The following MORC2 variants were observed in gnomAD, a reference collection of about 807,000 sequenced individuals.
The protein encoded by MORC2 is ATPase MORC2.
A neutral mutation model predicts 136.0 loss-of-function variants in MORC2; 30 were observed. That is an observed-to-expected ratio of 0.22 (90% CI 0.17 to 0.30). The LOEUF is 0.30. Among genes scored for constraint, MORC2 ranks in the 10% least tolerant of loss-of-function variants. The probability of loss-of-function intolerance (pLI) is 1.00; values close to 1 mark genes in which losing one functional copy is unlikely to be tolerated. For missense variants in MORC2, 922 were observed against 1,333.1 expected, an observed-to-expected ratio of 0.69 and a Z score of 4.80; for synonymous variants, 439 against 487.0, an observed-to-expected ratio of 0.90 and a Z score of 1.30.
chr22:30,967,654 A>C (rs890706007), intron 1 of MORC2, 168 bp downstream of exon 1: 5 of 1,409,968 alleles, frequency 3.5e-6, no homozygotes, highest in Non-Finnish European at 4.6e-6. Context: ...CAAGTATTTC[A>C]CTGATCTCAG....
At position 30,941,217 on chromosome 22, in the gene MORC2, T is replaced by C. The variant is rs988398491; in HGVS notation, c.824+216A>G. ...ACCCTCCCTGTCACAGAGGCACACA[T>C]ACTCAATGAGCTTAGCCAGCCACCT... On this transcript the variant is annotated intron_variant, in intron 9 of 25. Coordinates refer to ENST00000397641, the MANE Select transcript of MORC2 (RefSeq NM_001303256.3). This position sits in a 1 kb window ranked among gnomAD's most constrained non-coding sequence, Gnocchi z 4.6. Among the ~76,000 whole-genome samples, 1 of 152,090 alleles carries C rather than the reference T, an allele frequency of 6.6e-6. No individual in the cohort carries two copies. The highest frequency in any genetic ancestry group is 2.4e-5 in the African/African-American group (1 of 41,422).
chr22:30,941,584 G>A lies in MORC2; in HGVS notation c.699-26C>T, dbSNP rs201867459. 4 of 1,605,610 alleles carry A rather than the reference G, an allele frequency of 2.5e-6. No homozygotes were observed. The highest frequency in any genetic ancestry group is 3.4e-6 in the Non-Finnish European group (4 of 1,173,808). On this transcript the variant is annotated intron_variant, in intron 8 of 25. Coordinates refer to ENST00000397641, the MANE Select transcript of MORC2 (RefSeq NM_001303256.3). The surrounding 1 kb of genome is among the most constrained non-coding windows in gnomAD (Gnocchi z 4.6). ...CTGGAGAGGGCAAAAACAGAGAAGTGCTGTCACCTGCTCCACAACAGGCCT... is the reference window on the plus strand; with the variant it reads ...CTGGAGAGGGCAAAAACAGAGAAGTACTGTCACCTGCTCCACAACAGGCCT...
At chr22:30,938,544 C>G (rs1325105326) in intron 12 of MORC2, among the ~76,000 whole-genome samples, 1 of 152,192 alleles carries the variant, frequency 6.6e-6, no homozygotes, top group Non-Finnish European at 1.5e-5. Context: ...ATACCTTCCC[C>G]AAAATTCCAC....
chr22:30,946,807 C>T (rs2040823420), intron 5 of MORC2, among the ~76,000 whole-genome samples: 1 of 152,144 alleles, frequency 6.6e-6, no homozygotes, highest in African/African-American at 2.4e-5. Flanking sequence ...TGTCTTTGAG[C>T]TCTTGGTTCA....
chr22:30,933,463 CA>C lies in MORC2; in HGVS notation c.2380+2del. 6.2e-7 allele frequency: 1 copy of C among 1,613,844 alleles called. No homozygotes were observed. The highest frequency in any genetic ancestry group is 1.3e-5 in the African/African-American group (1 of 74,994). ...AGGCTGCCAAGTCACTCCCCCAGCTCACCTTTCTGAGCTCTCTTGAGGTCAG... is the reference window on the plus strand; with the variant it reads ...AGGCTGCCAAGTCACTCCCCCAGCTCCCTTTCTGAGCTCTCTTGAGGTCAG... On this transcript the variant is annotated splice_donor_variant, in intron 21 of 25. Coordinates refer to ENST00000397641, the MANE Select transcript of MORC2 (RefSeq NM_001303256.3). LOFTEE classifies it high-confidence loss of function.
chr22:30,941,975 T>C lies in MORC2; in HGVS notation c.614A>G (p.Lys205Arg). The stretch of plus-strand genomic sequence containing the variant: ...TTCTGGCTCTCCATTATCCATGAGT[T>C]TGAGATTGAAGATGATCACCAATGT... ...SGTLVIIFNL[K>R]LMDNGEPELD... Residue 205 changes from lysine to arginine, a missense_variant, in exon 8 of 26, where the codon AAA becomes AGA. Lys to Arg is a conservative substitution (Grantham distance 26). Transcript: ENST00000397641. The surrounding 1 kb of genome is among the most constrained non-coding windows in gnomAD (Gnocchi z 4.6). 1 of 1,613,940 alleles carries C rather than the reference T, an allele frequency of 6.2e-7. No homozygotes were observed. Among genetic ancestry groups the C allele is most frequent in the Non-Finnish European group, 8.5e-7 (1 of 1,179,814 alleles).
intron 1 of MORC2, chr22:30,966,922 T>C: frequency 5.5e-6 from 1 of 182,970 alleles, no homozygotes; most frequent in Middle Eastern, 2.9e-3. Flanking sequence ...CATGTTGTCT[T>C]CTCCATCAAA....
At chr22:30,942,901 A>G (rs985799950) in intron 6 of MORC2, among the ~76,000 whole-genome samples, 1 of 152,174 alleles carries the variant, frequency 6.6e-6, no homozygotes, top group Non-Finnish European at 1.5e-5. Context: ...GCTACTCAGG[A>G]GGCTGAGACA....
chr22:30,963,419 T>A, intron 1 of MORC2: 2 of 652,748 alleles, frequency 3.1e-6, no homozygotes, highest in Non-Finnish European at 3.8e-6. Context: ...GGAGTCTTGC[T>A]CTGTTGCCCC....
At chr22:30,967,085 G>A in intron 1 of MORC2, 2 of 983,968 alleles carry the variant, frequency 2.0e-6, no homozygotes, top group Non-Finnish European at 2.4e-6. Context: ...AAAAGTAACA[G>A]GTGAATGTAT....
chr22:30,950,337 G>GGGGGGGGGCC, intron 4 of MORC2, 40 bp downstream of exon 4: 2 of 761,764 alleles, frequency 2.6e-6, no homozygotes, highest in Non-Finnish European at 4.7e-6. Context: ...TGGTTACATC[G>GGGGGGGGGCC]CACCCCCCCA....
chr22:30,936,531 C>G lies in MORC2; in HGVS notation c.1717G>C (p.Glu573Gln). 1 of 1,614,206 alleles carries G rather than the reference C, an allele frequency of 6.2e-7. No homozygotes were observed. The highest frequency in any genetic ancestry group is 8.5e-7 in the Non-Finnish European group (1 of 1,180,030). The change falls in exon 17 of 26, where the codon GAG (glutamate) becomes CAG (glutamine). Residue 573 changes from glutamate to glutamine, a missense_variant. By Grantham distance (29) the Glu-to-Gln change is conservative. Coordinates refer to ENST00000397641, the MANE Select transcript of MORC2 (RefSeq NM_001303256.3). ...QLTEKIRQQQEKLEALQKTTP... is the reference protein window; with the variant it reads ...QLTEKIRQQQQKLEALQKTTP... ...CGTACCTGAAGGGCCTCCAGCTTCT[C>G]CTGCTGCTGGCGAATTTTCTCTGTC...
At position 30,956,771 on chromosome 22, in the gene MORC2, A is replaced by G. The variant is rs2040973183; in HGVS notation, c.149T>C (p.Ile50Thr). 1 of 1,545,758 alleles carries G rather than the reference A, an allele frequency of 6.5e-7. No homozygotes were observed. Among genetic ancestry groups the G allele is most frequent in the Admixed American group, 2.0e-5 (1 of 50,710 alleles). The change falls in exon 3 of 26, where the codon ATT (isoleucine) becomes ACT (threonine). Residue 50 changes from isoleucine (I) to threonine (T), a missense_variant. Transcript: ENST00000397641. ...ACTAAAGCCTGACTTACCTGCATAA[A>G]TATCTATTCTGGTGGCATCAGCATC... ...ARDADATRID[I>T]YAERREDLRG...
intron 5 of MORC2, 34 bp downstream of exon 5, chr22:30,949,718 T>C (rs1189963581): frequency 1.3e-6 from 2 of 1,551,858 alleles, no homozygotes; most frequent in East Asian, 4.5e-5. Flanking sequence ...CTGGATTTTG[T>C]TTGAGCCCTG....
In MORC2 at chr22:30,937,957, C is replaced by G. The variant is rs2040680980; in HGVS notation, c.1227G>C (p.Gly409=). 1 of 1,613,934 alleles carries G rather than the reference C, an allele frequency of 6.2e-7. No homozygotes were observed. The highest frequency in any genetic ancestry group is 8.5e-7 in the Non-Finnish European group (1 of 1,180,014). ...PQLEGGMACG[G]VVGVVDVPYL... ...AGGGCACATCAACAACCCCAACAACCCCGCCACATGCCCTACAGGGAGAAA... is the reference window on the plus strand; with the variant it reads ...AGGGCACATCAACAACCCCAACAACGCCGCCACATGCCCTACAGGGAGAAA... Residue 409 remains glycine (G), a synonymous_variant, in exon 14 of 26, where the codon GGG becomes GGC. Transcript: ENST00000397641. This position sits in a 1 kb window ranked among gnomAD's most constrained non-coding sequence, Gnocchi z 4.7.
Position 30,942,261 on chromosome 22 carries a change from G to GGGAC in MORC2, c.433_436dup (p.Pro146ArgfsTer24). 6.2e-7 allele frequency: 1 copy of GGGAC among 1,611,030 alleles called. No homozygotes were observed. The highest frequency in any genetic ancestry group is 8.5e-7 in the Non-Finnish European group (1 of 1,179,884). On this transcript the variant is annotated frameshift_variant, in exon 7 of 26. Transcript: ENST00000397641. LOFTEE classifies it high-confidence loss of function. ...GGTCCGAGCATTCCAGGTGGGCAGT[G>GGGAC]GGACTATCACCTGTGGAGTAAACAT... is the stretch of plus-strand genomic sequence containing the variant.
Position 30,939,650 on chromosome 22 carries a change from G to A in MORC2, c.1044C>T (p.Val348=). 1.2e-6 allele frequency: 2 copies of A among 1,614,110 alleles called. No homozygotes were observed. The highest frequency in any genetic ancestry group is 1.7e-6 in the Non-Finnish European group (2 of 1,180,042). ...RAITLRREAD[V]KKRIKEAKQR... is the part of the protein sequence containing the mutation. ...GCTTGGCCTCCTTGATCCTCTTCTT[G>A]ACATCGGCTTCTCTGCGCAGAGTGA... The change falls in exon 12 of 26, where the codon GTC becomes GTT. Residue 348 remains valine (V), a synonymous_variant. Coordinates refer to ENST00000397641, the MANE Select transcript of MORC2 (RefSeq NM_001303256.3).
At chr22:30,940,081 T>G in intron 10 of MORC2, 40 bp from the exon 11 acceptor site, 2 of 1,598,082 alleles carry the variant, frequency 1.3e-6, no homozygotes, top group Non-Finnish European at 1.7e-6. Context: ...ATGCAAAGGT[T>G]CAAAACTCTT....
chr22:30,928,137 G>C lies in MORC2; in HGVS notation c.2912C>G (p.Ser971Cys), dbSNP rs142559213. ...GCTTTCCTCGGAGGCCTTGGCCCGG[G>C]AGTCAGCACGGCTCTGGTAGGAATT... ...LCNSYQSRAD[S>C]RAKASEESLR... The change falls in exon 25 of 26, where the codon TCC becomes TGC. Residue 971 changes from serine to cysteine, a missense_variant. Physicochemically the swap from Ser to Cys is moderately radical, Grantham distance 112 (BLOSUM62 -1). Transcript: ENST00000397641. The C allele has an allele frequency of 6.2e-7, 1 of 1,614,094 alleles. No individual in the cohort carries two copies. Among genetic ancestry groups the C allele is most frequent in the Non-Finnish European group, 8.5e-7 (1 of 1,180,018 alleles).
Sources: gnomAD v4.1 joint callset for allele counts (sites outside exome capture counted in the v4.1 genomes callset) on GRCh38, gnomAD v4.1.1 for gene constraint, Gnocchi (gnomAD v3.1) non-coding constraint, MANE v1.5 for transcripts, NCBI Gene and HGNC (gene_info 2026-07-23, HGNC 2026-07-21) for gene names.